CLIP2: variants seen among roughly 807,000 people sequenced by gnomAD.
CLIP2 encodes CAP-Gly domain containing linker protein 2.
A neutral mutation model predicts 111.7 loss-of-function variants in CLIP2; 41 were observed. The ratio of observed to expected loss-of-function variants is 0.37; its 90% CI spans 0.29 to 0.48. CLIP2 has a LOEUF of 0.48. CLIP2 is among the 20% of genes least tolerant of loss of function. The pLI is 0.99. For synonymous variants in CLIP2, 660 were observed against 644.2 expected (o/e 1.02, Z -0.37); for missense variants, 1,160 against 1,422.1 (o/e 0.82, Z 2.96).
At chr7:74,328,808 C>G (rs1200894367) in intron 2 of CLIP2, among the ~76,000 whole-genome samples, 1 of 151,762 alleles carries the variant, frequency 6.6e-6, no homozygotes, top group Non-Finnish European at 1.5e-5. Context: ...CCAGGCTGGA[C>G]TGCAGTGGTG....
At chr7:74,375,546 CAAAAAAAAAAAAA>C (rs34885959) in intron 9 of CLIP2, among the ~76,000 whole-genome samples, 2 of 33,160 alleles carry the variant, frequency 6.0e-5, no homozygotes, top group Admixed American at 1.1e-3. Flanking sequence ...GAGCGAGACT[CAAAAAAAAAAAAA>C]AAAAAAAAAA....
intron 9 of CLIP2, among the ~76,000 whole-genome samples, chr7:74,375,545 T>C (rs1403730244): frequency 1.9e-4 from 2 of 10,442 alleles, no homozygotes; most frequent in African/African-American, 2.6e-4. Flanking sequence ...AGAGCGAGAC[T>C]CAAAAAAAAA....
intron 1 of CLIP2, among the ~76,000 whole-genome samples, chr7:74,297,015 C>T (rs1030689922): frequency 8.5e-5 from 13 of 152,164 alleles, no homozygotes; most frequent in African/African-American, 2.9e-4. Flanking sequence ...AGCAGTGGGT[C>T]GCCTTTCTGA....
At chr7:74,401,648 A>C in intron 16 of CLIP2, 81 bp downstream of exon 16, 1 of 1,387,146 alleles carries the variant, frequency 7.2e-7, no homozygotes, top group Non-Finnish European at 1.0e-6. Flanking sequence ...GTCACTAAGA[A>C]TACACACAAA....
At chr7:74,390,970 A>T (rs1447865551) in intron 13 of CLIP2, among the ~76,000 whole-genome samples, 2 of 151,578 alleles carry the variant, frequency 1.3e-5, no homozygotes, top group African/African-American at 4.9e-5. Flanking sequence ...AATCTCTTGA[A>T]CCCGGAAGGC....
chr7:74,307,533 C>G (rs1788529388), intron 1 of CLIP2, among the ~76,000 whole-genome samples: 1 of 152,122 alleles, frequency 6.6e-6, no homozygotes, highest in South Asian at 2.1e-4. Context: ...ATCTGTCGCC[C>G]AGGCTGGAGT....
At position 74,398,607 on chromosome 7, in the gene CLIP2, G is replaced by A. The variant is rs187066000; in HGVS notation, c.2880+1374G>A. ...TGGGCAAGGGGGTGGTTCACAGGCT[G>A]GAGGGAGGGCCTCAGCGCCACCGAC... is the stretch of plus-strand genomic sequence containing the variant. On this transcript the variant is annotated intron_variant, in intron 14 of 16. Coordinates refer to ENST00000223398, the MANE Select transcript of CLIP2 (RefSeq NM_003388.5). 1.3e-3 allele frequency among the ~76,000 whole-genome samples: 200 copies of A among 152,350 alleles called. 1 individual carries two copies. Among genetic ancestry groups the A allele is most frequent in the African/African-American group, 3.9e-3 (164 of 41,594 alleles).
intron 10 of CLIP2, 48 bp from the exon 11 acceptor site, chr7:74,380,758 G>T (rs782242721): frequency 1.3e-5 from 20 of 1,527,914 alleles, no homozygotes; most frequent in Middle Eastern, 1.7e-4. Context: ...TGGGGCTGGG[G>T]CCAAGGGGCA....
At chr7:74,339,550 C>T (rs576528939) in intron 3 of CLIP2, among the ~76,000 whole-genome samples, 1 of 152,210 alleles carries the variant, frequency 6.6e-6, no homozygotes, top group East Asian at 1.9e-4. Context: ...AGGTGATCCA[C>T]CCGCCTTGGC....
chr7:74,334,783 C>T (rs1189393244), intron 2 of CLIP2, among the ~76,000 whole-genome samples: 2 of 146,066 alleles, frequency 1.4e-5, no homozygotes, highest in Non-Finnish European at 3.0e-5. Context: ...AGTTTGAGAC[C>T]AGCCTTACCA....
intron 11 of CLIP2, among the ~76,000 whole-genome samples, chr7:74,383,878 C>T (rs1791010271): frequency 6.6e-6 from 1 of 152,070 alleles, no homozygotes; most frequent in Admixed American, 6.6e-5. Context: ...GAACCCATAC[C>T]CACTAGCAGT....
chr7:74,402,266 C>T (rs965748528), intron 16 of CLIP2, among the ~76,000 whole-genome samples: 3 of 147,860 alleles, frequency 2.0e-5, no homozygotes, highest in Non-Finnish European at 4.4e-5. Context: ...GAAGGCGGAG[C>T]TTGCAATGAG....
chr7:74,301,761 G>A (rs1788344017), intron 1 of CLIP2, among the ~76,000 whole-genome samples: 1 of 150,998 alleles, frequency 6.6e-6, no homozygotes, highest in East Asian at 2.0e-4. Flanking sequence ...TGCTAAGACT[G>A]GAGTGCGCTG....
chr7:74,390,167 A>AAG (rs1352474732), intron 13 of CLIP2, among the ~76,000 whole-genome samples: 3 of 19,438 alleles, frequency 1.5e-4, no homozygotes, highest in Admixed American at 5.4e-4. Flanking sequence ...AGAAAGAAGA[A>AAG]AGAAAGAAAG....
chr7:74,312,374 G>A (rs1788664004), intron 1 of CLIP2, among the ~76,000 whole-genome samples: 1 of 152,118 alleles, frequency 6.6e-6, no homozygotes. Flanking sequence ...GGAGTTCCTT[G>A]CACCTCACTT....
chr7:74,373,520 T>C (rs377646728), intron 9 of CLIP2, among the ~76,000 whole-genome samples: 1 of 152,024 alleles, frequency 6.6e-6, no homozygotes. Flanking sequence ...AAAAGAAATG[T>C]GCTTATGTTC....
chr7:74,290,150 G>A lies in CLIP2; in HGVS notation c.-68+416G>A, dbSNP rs572247833. 2.0e-5 allele frequency among the ~76,000 whole-genome samples: 3 copies of A among 152,356 alleles called. No homozygotes were observed. In the South Asian group the frequency reaches 6.2e-4, roughly 32 times the overall value. ...GGCTCTCTGGGCTCACAGAGCCTGG[G>A]GAGCACAGCCTGGTGGGCGCGGCCA... On this transcript the variant is annotated intron_variant, in intron 1 of 16. Coordinates refer to ENST00000223398, the MANE Select transcript of CLIP2 (RefSeq NM_003388.5).
chr7:74,337,003 A>T (rs1554732241), intron 2 of CLIP2, among the ~76,000 whole-genome samples: 1 of 150,902 alleles, frequency 6.6e-6, no homozygotes, highest in Admixed American at 6.6e-5. Context: ...CTCCTGTCTC[A>T]GCCTCCTGGG....
chr7:74,399,535 CTT>C (rs1320207309), intron 14 of CLIP2, among the ~76,000 whole-genome samples: 11 of 51,898 alleles, frequency 2.1e-4, no homozygotes, highest in African/African-American at 9.8e-4. Context: ...GAGACTCAGT[CTT>C]TTTTTGGGGG....
Sources: gnomAD v4.1 joint callset for allele counts (sites outside exome capture counted in the v4.1 genomes callset) on GRCh38, gnomAD v4.1.1 for gene constraint, MANE v1.5 for transcripts, NCBI Gene and HGNC (gene_info 2026-07-23, HGNC 2026-07-21) for gene names.